Variants in TYW1B observed in about 807,000 individuals in gnomAD.
TYW1B encodes tRNA-yW synthesizing protein 1 homolog B.
A neutral mutation model predicts 86.9 loss-of-function variants in TYW1B; 73 were observed. The ratio of observed to expected loss-of-function variants is 0.84; its 90% CI spans 0.70 to 1.02. The LOEUF (loss-of-function observed/expected upper bound fraction) is 1.02. Among genes scored for constraint, TYW1B ranks in the 50% least tolerant of loss-of-function variants. The pLI, the probability that TYW1B is intolerant of heterozygous loss-of-function variation, is 0.00. For synonymous variants in TYW1B, 248 were observed against 292.8 expected, an observed-to-expected ratio of 0.85 and a Z score of 1.56; for missense variants, 637 against 827.4, an observed-to-expected ratio of 0.77 and a Z score of 2.82.
At chr7:72,665,571 A>C (rs1554445125) in intron 11 of TYW1B, among the ~76,000 whole-genome samples, 1 of 152,216 alleles carries the variant, frequency 6.6e-6, no homozygotes, top group Non-Finnish European at 1.5e-5. Context: ...CTATCTTACA[A>C]GTACCTGTAA....
chr7:72,710,307 C>T (rs1371635469), intron 10 of TYW1B, among the ~76,000 whole-genome samples: 7 of 152,172 alleles, frequency 4.6e-5, no homozygotes, highest in Admixed American at 2.6e-4. Flanking sequence ...ATGTCCCGCA[C>T]ATCAGCCATG....
intron 11 of TYW1B, among the ~76,000 whole-genome samples, chr7:72,638,885 G>GT (rs1242059157): frequency 1.3e-5 from 2 of 152,270 alleles, no homozygotes; most frequent in South Asian, 2.1e-4. Context: ...GCCTTTAGTT[G>GT]TAACTACCAT....
rs59438928 is a variant in TYW1B at position 72,711,473 on chromosome 7, C to CTTTTTTT, written c.1370+2141_1370+2147dup. Among the ~76,000 whole-genome samples the CTTTTTTT allele has an allele frequency of 3.7e-3, 213 of 56,964 alleles. 63 individuals are homozygous for CTTTTTTT. The highest frequency in any genetic ancestry group is 6.5e-3 in the African/African-American group (89 of 13,736). The allele number at this position is 56,964 out of a possible 152,430, so 37.4% of individuals were successfully genotyped here. Reference sequence around the variant, plus strand: ...CTTCGTGTTTCTCTCCTCTTTAATTCTTTTTTTTTTTTTTTTTTTTTTTTT... The same window carrying CTTTTTTT: ...CTTCGTGTTTCTCTCCTCTTTAATTCTTTTTTTTTTTTTTTTTTTTTTTTTTTTTTTT... On this transcript the variant is annotated intron_variant, in intron 10 of 13. Transcript: ENST00000620995.
chr7:72,769,703 T>C (rs1281112251), intron 7 of TYW1B, among the ~76,000 whole-genome samples: 3 of 152,152 alleles, frequency 2.0e-5, no homozygotes, highest in Non-Finnish European at 4.4e-5. Flanking sequence ...ATCAATAATA[T>C]AGAGTCAAAC....
chr7:72,713,193 C>G (rs1417740078), intron 10 of TYW1B, among the ~76,000 whole-genome samples: 3 of 148,000 alleles, frequency 2.0e-5, no homozygotes, highest in Non-Finnish European at 3.0e-5. Context: ...CCCAGCTACT[C>G]AGGAGGCTGA....
intron 8 of TYW1B, among the ~76,000 whole-genome samples, chr7:72,740,138 C>G (rs778307102): frequency 1.3e-5 from 2 of 151,488 alleles, no homozygotes; most frequent in Non-Finnish European, 2.9e-5. Flanking sequence ...GAGGCTGAGG[C>G]AGGAGAATGG....
intron 3 of TYW1B, among the ~76,000 whole-genome samples, chr7:72,812,655 G>A (rs1363900839): frequency 6.6e-5 from 10 of 151,600 alleles, no homozygotes; most frequent in East Asian, 1.9e-4. Flanking sequence ...AGACAGGGCC[G>A]GTAAACTACA....
intron 6 of TYW1B, among the ~76,000 whole-genome samples, chr7:72,801,622 G>C (rs1487083515): frequency 1.3e-5 from 2 of 151,530 alleles, no homozygotes; most frequent in African/African-American, 4.9e-5. Flanking sequence ...CAGTTAAATT[G>C]AGGCTGTTAT....
intron 6 of TYW1B, among the ~76,000 whole-genome samples, chr7:72,801,066 T>C (rs145879884): frequency 7.8e-4 from 118 of 152,206 alleles, no homozygotes; most frequent in East Asian, 3.7e-3. Flanking sequence ...TGGTAACTCA[T>C]GTGTGTAATC....
At chr7:72,777,841 G>A (rs1300205348) in intron 6 of TYW1B, among the ~76,000 whole-genome samples, 3 of 152,198 alleles carry the variant, frequency 2.0e-5, no homozygotes, top group South Asian at 2.1e-4. Flanking sequence ...GCTTGAACCC[G>A]GAAGGCGAAA....
intron 9 of TYW1B, chr7:72,723,209 T>C (rs1373036026): frequency 1.9e-5 from 7 of 365,964 alleles, no homozygotes; most frequent in East Asian, 8.4e-5. Context: ...TTCCCCTCCT[T>C]CCCTTTCCCC....
chr7:72,662,426 T>TATAGATAG (rs10682366), intron 11 of TYW1B, among the ~76,000 whole-genome samples: 167 of 118,730 alleles, frequency 1.4e-3, no homozygotes, highest in East Asian at 3.1e-3. Context: ...AATATATATA[T>TATAGATAG]ATAGATAGAT....
chr7:72,688,152 T>C (rs1388960317), intron 11 of TYW1B, among the ~76,000 whole-genome samples: 2 of 152,194 alleles, frequency 1.3e-5, no homozygotes, highest in East Asian at 3.8e-4. Flanking sequence ...TGTAATACAA[T>C]ATAGTAACTG....
chr7:72,721,989 G>C (rs1433199705), intron 9 of TYW1B, among the ~76,000 whole-genome samples: 3 of 152,108 alleles, frequency 2.0e-5, no homozygotes, highest in African/African-American at 7.2e-5. Flanking sequence ...TCTAAAGTTT[G>C]GGCCGATCAG....
In TYW1B at chr7:72,705,817, C is replaced by T. The variant is rs1249927740; in HGVS notation, c.1370+7804G>A. Among the ~76,000 whole-genome samples the T allele has an allele frequency of 2.0e-5, 3 of 152,160 alleles. No homozygotes were observed. The East Asian group carries it at 5.8e-4, about 29-fold the overall frequency. On this transcript the variant is annotated intron_variant, in intron 10 of 13. Transcript: ENST00000620995. Reference sequence around the variant, plus strand: ...GAAGCTATTCAGTGTTGGGAAACATCCTCCTCAACAACTTCCTTGCCTTAC... The same window carrying T: ...GAAGCTATTCAGTGTTGGGAAACATTCTCCTCAACAACTTCCTTGCCTTAC...
chr7:72,681,186 A>G (rs1359768105), intron 11 of TYW1B, among the ~76,000 whole-genome samples: 2 of 152,230 alleles, frequency 1.3e-5, no homozygotes, highest in Non-Finnish European at 2.9e-5. Flanking sequence ...TAAACCAAGC[A>G]GGTTGTTGGG....
chr7:72,679,502 CAA>C (rs1247057581), intron 11 of TYW1B, among the ~76,000 whole-genome samples: 1 of 151,938 alleles, frequency 6.6e-6, no homozygotes, highest in African/African-American at 2.4e-5. Context: ...TAATATCAAA[CAA>C]AAGAAAAACA....
intron 7 of TYW1B, among the ~76,000 whole-genome samples, chr7:72,748,214 A>G (rs1364837781): frequency 6.6e-6 from 1 of 152,080 alleles, no homozygotes; most frequent in Admixed American, 6.6e-5. Flanking sequence ...GCTTGCAGTG[A>G]GCCGAGATGG....
At chr7:72,780,269 T>C (rs782123479) in intron 6 of TYW1B, among the ~76,000 whole-genome samples, 8 of 152,032 alleles carry the variant, frequency 5.3e-5, no homozygotes, top group Non-Finnish European at 1.0e-4. Context: ...AAAGCAAAGG[T>C]GTGAGCTTGA....
Sources: gnomAD v4.1 joint callset for allele counts (sites outside exome capture counted in the v4.1 genomes callset) on GRCh38, gnomAD v4.1.1 for gene constraint, MANE v1.5 for transcripts, NCBI Gene and HGNC (gene_info 2026-07-23, HGNC 2026-07-21) for gene names.